Variants in ATP1B1 observed in about 807,000 individuals in gnomAD.
ATP1B1 encodes sodium/potassium-transporting ATPase subunit beta-1.
In ATP1B1, 3 loss-of-function variants were observed where a neutral mutation model predicts 39.6. That is an observed-to-expected ratio of 0.08 (90% confidence interval 0.03 to 0.20). The LOEUF is 0.20. Among genes scored for constraint, ATP1B1 ranks in the 10% least tolerant of loss-of-function variants. The probability of loss-of-function intolerance (pLI) is 1.00; values close to 1 mark genes in which losing one functional copy is unlikely to be tolerated. For synonymous variants in ATP1B1, 139 were observed against 135.0 expected, an observed-to-expected ratio of 1.03 and a Z score of -0.20; for missense variants, 216 against 371.1, an observed-to-expected ratio of 0.58 and a Z score of 3.43.
At chr1:169,123,356 A>G (rs1418929472) in intron 2 of ATP1B1, among the ~76,000 whole-genome samples, 3 of 151,544 alleles carry the variant, frequency 2.0e-5, no homozygotes, top group Non-Finnish European at 2.9e-5. Context: ...ATGTTTGACA[A>G]GCCCCTAAAT....
chr1:169,111,796 G>A (rs1478263749), intron 2 of ATP1B1, among the ~76,000 whole-genome samples: 2 of 152,098 alleles, frequency 1.3e-5, no homozygotes, highest in African/African-American at 4.8e-5. Context: ...GTTCTGATGG[G>A]GGCCTCTGTC....
chr1:169,127,552 C>A, intron 4 of ATP1B1, 144 bp downstream of exon 4: 1 of 783,016 alleles, frequency 1.3e-6, no homozygotes, highest in Non-Finnish European at 1.9e-6. Flanking sequence ...CCAAAAACTT[C>A]TGTATCCACC....
chr1:169,130,555 G>A (rs568630663), intron 5 of ATP1B1, among the ~76,000 whole-genome samples: 2 of 152,122 alleles, frequency 1.3e-5, no homozygotes, highest in Non-Finnish European at 2.9e-5. Flanking sequence ...TTGGGAGGCC[G>A]AGATGGGCAG....
At position 169,132,374 on chromosome 1, in the gene ATP1B1, T is replaced by C. The variant is rs1165028199; in HGVS notation, c.*819T>C. 5 of 460,852 alleles carry C rather than the reference T, an allele frequency of 1.1e-5. No individual in the cohort carries two copies. Among genetic ancestry groups the C allele is most frequent in the Non-Finnish European group, 2.0e-5 (5 of 255,560 alleles). 28.5% of individuals were successfully genotyped at this position (460,852 alleles called of 1,614,324 possible). ...TTTGCTTTATACATTTTCTTTTACT[T>C]TCCTTTTTTCCTTTCTGGAGGCATC... On this transcript the variant is annotated 3_prime_UTR_variant, in exon 6 of 6. Transcript: ENST00000367815.
In ATP1B1 at chr1:169,131,229, T is replaced by TCA; in HGVS notation, c.649-63_649-62insCA. 1.3e-6 allele frequency: 2 copies of TCA among 1,510,148 alleles called. No homozygotes were observed. Among genetic ancestry groups the TCA allele is most frequent in the Non-Finnish European group, 8.9e-7 (1 of 1,121,206 alleles). The allele number at this position is 1,510,148 out of a possible 1,614,324, so 93.5% of individuals were successfully genotyped here. A position where few individuals can be genotyped will look rare whatever the true frequency, so the allele number is the denominator to read the frequency against. On this transcript the variant is annotated intron_variant, in intron 5 of 5. Coordinates refer to ENST00000367815, the MANE Select transcript of ATP1B1 (RefSeq NM_001677.4). The surrounding 1 kb of genome is among the most constrained non-coding windows in gnomAD (Gnocchi z 4.4). ...ACTACTGTGTAGATTGAGTCTTGTT[T>TCA]TTGAGTACACATAGTGATGCATGAT...
In ATP1B1 at chr1:169,132,411, CTG is replaced by C. The variant is rs1658256480; in HGVS notation, c.*860_*861del. ...TTTCTGGAGGCATCACATGCTGGTG[CTG>C]TGTCTTTATGAATGTTTTAACCATT... On this transcript the variant is annotated 3_prime_UTR_variant, in exon 6 of 6. Transcript: ENST00000367815. The C allele has an allele frequency of 2.2e-6, 1 of 445,344 alleles. No individual in the cohort carries two copies. Among genetic ancestry groups the C allele is most frequent in the Admixed American group, 4.1e-5 (1 of 24,450 alleles). 27.6% of individuals were successfully genotyped at this position (445,344 alleles called of 1,614,324 possible). A position where few individuals can be genotyped will look rare whatever the true frequency, so the allele number is the denominator to read the frequency against.
At chr1:169,117,013 A>G (rs1166791332) in intron 2 of ATP1B1, among the ~76,000 whole-genome samples, 4 of 152,198 alleles carry the variant, frequency 2.6e-5, no homozygotes, top group Non-Finnish European at 4.4e-5. Context: ...TACTTGTATT[A>G]CTATCTCTCA....
intron 1 of ATP1B1, chr1:169,110,567 C>CTTTTTTTTTTT (rs11423213): frequency 1.9e-4 from 82 of 434,704 alleles, no homozygotes; most frequent in South Asian, 5.4e-4. Context: ...TGTGTTGAGT[C>CTTTTTTTTTTT]TTTTTTTTTT....
intron 2 of ATP1B1, among the ~76,000 whole-genome samples, chr1:169,122,186 G>A (rs1024311918): frequency 6.6e-6 from 1 of 152,132 alleles, no homozygotes. Flanking sequence ...GGCTCTTCGG[G>A]TGGCCCCTCA....
chr1:169,127,480 A>G, intron 4 of ATP1B1, 72 bp downstream of exon 4: 1 of 1,489,160 alleles, frequency 6.7e-7, no homozygotes, highest in Non-Finnish European at 9.1e-7. Context: ...CTGAGAAGAC[A>G]ATGTAAGATA....
chr1:169,112,789 A>G (rs1406569842), intron 2 of ATP1B1, among the ~76,000 whole-genome samples: 2 of 152,212 alleles, frequency 1.3e-5, no homozygotes, highest in East Asian at 3.8e-4. Context: ...TAAGTAAATA[A>G]CATAACTTAA....
chr1:169,124,411 A>G (rs367620528), intron 2 of ATP1B1, among the ~76,000 whole-genome samples: 1 of 152,250 alleles, frequency 6.6e-6, no homozygotes, highest in Non-Finnish European at 1.5e-5. Flanking sequence ...GGATTATAAA[A>G]GAAGACCTCT....
intron 5 of ATP1B1, among the ~76,000 whole-genome samples, chr1:169,130,654 G>C (rs1658191954): frequency 6.6e-6 from 1 of 151,966 alleles, no homozygotes; most frequent in Non-Finnish European, 1.5e-5. Flanking sequence ...GGGCGTGGCG[G>C]CGCGTGCCTG....
At position 169,124,896 on chromosome 1, in the gene ATP1B1, T is replaced by C. The variant is rs1228659582; in HGVS notation, c.239T>C (p.Ile80Thr). ...CTGCCTGGTCTAGGATTAACACAGA[T>C]TCCTCAGATCCAGAAGACTGAAATT... ...DRVAPPGLTQ[I>T]PQIQKTEISF... Residue 80 changes from isoleucine to threonine, a missense_variant, in exon 3 of 6, where the codon ATT becomes ACT. By Grantham distance (89) the Ile-to-Thr change is moderately conservative. Coordinates refer to ENST00000367815, the MANE Select transcript of ATP1B1 (RefSeq NM_001677.4). The C allele has an allele frequency of 1.2e-6, 2 of 1,613,830 alleles. No homozygotes were observed. The highest frequency in any genetic ancestry group is 8.5e-7 in the Non-Finnish European group (1 of 1,179,844).
intron 2 of ATP1B1, among the ~76,000 whole-genome samples, chr1:169,115,898 C>T (rs541306056): frequency 9.2e-5 from 14 of 152,338 alleles, no homozygotes; most frequent in South Asian, 8.3e-4. Context: ...GTTGGGTTAG[C>T]GCCTGCCAAG....
chr1:169,128,500 G>T (rs1455948012), intron 4 of ATP1B1, among the ~76,000 whole-genome samples: 2 of 152,186 alleles, frequency 1.3e-5, no homozygotes, highest in Non-Finnish European at 2.9e-5. Context: ...ATGGATGGTT[G>T]CCTGGCTGGC....
chr1:169,118,473 G>A (rs1257413728), intron 2 of ATP1B1, among the ~76,000 whole-genome samples: 1 of 152,190 alleles, frequency 6.6e-6, no homozygotes, highest in East Asian at 1.9e-4. Context: ...GTCAAAGGTG[G>A]CTAGTTTCCA....
chr1:169,109,135 TTTA>T (rs1366242483), intron 1 of ATP1B1, among the ~76,000 whole-genome samples: 6 of 152,236 alleles, frequency 3.9e-5, no homozygotes, highest in Non-Finnish European at 4.4e-5. Context: ...CTTCTGCCTT[TTTA>T]TTAGGTTAAT....
intron 3 of ATP1B1, among the ~76,000 whole-genome samples, chr1:169,126,140 A>G (rs1242165514): frequency 6.6e-6 from 1 of 152,128 alleles, no homozygotes; most frequent in Non-Finnish European, 1.5e-5. Flanking sequence ...GTTATTTTGG[A>G]AATATTTAGT....
Sources: gnomAD v4.1 joint callset for allele counts (sites outside exome capture counted in the v4.1 genomes callset) on GRCh38, gnomAD v4.1.1 for gene constraint, Gnocchi (gnomAD v3.1) non-coding constraint, MANE v1.5 for transcripts, NCBI Gene and HGNC (gene_info 2026-07-23, HGNC 2026-07-21) for gene names.